ATXN8OS: variants seen among roughly 807,000 people sequenced by gnomAD.
The protein encoded by ATXN8OS is ATXN8 opposite strand (non-protein coding).
upstream of ATXN8OS, chr13:70,107,767 G>C (rs749846665): frequency 3.2e-5 from 40 of 1,251,040 alleles, no homozygotes; most frequent in Non-Finnish European, 4.1e-5. Flanking sequence ...GGTGGGGGAG[G>C]ACAGCGGGGC....
At position 70,123,605 on chromosome 13, in the gene ATXN8OS, T is replaced by A. The variant is rs1952447552; in HGVS notation, n.399-6179T>A. Among the ~76,000 whole-genome samples the A allele has an allele frequency of 2.6e-5, 4 of 152,094 alleles. No homozygotes were observed. The South Asian group carries it at 8.3e-4, about 32-fold the overall frequency. On this transcript the variant is annotated intron_variant and non_coding_transcript_variant, in intron 2 of 4. Coordinates refer to ENST00000678624, the Ensembl canonical transcript of ATXN8OS. Reference sequence around the variant, plus strand: ...AATACTACTGATAGGTAAGATCCTATATTCTGTCCACAAAAATCAAATGAG... The same window carrying A: ...AATACTACTGATAGGTAAGATCCTAAATTCTGTCCACAAAAATCAAATGAG...
chr13:70,151,155 C>A (rs1249486087), intron 4 of ATXN8OS, among the ~76,000 whole-genome samples: 1 of 151,996 alleles, frequency 6.6e-6, no homozygotes, highest in Non-Finnish European at 1.5e-5. Flanking sequence ...GCTGTAAAAG[C>A]ACAACATGAG....
At chr13:70,107,838 G>T in exon 1 of ATXN8OS, 2 of 652,698 alleles carry the variant, frequency 3.1e-6, no homozygotes, top group Non-Finnish European at 5.0e-6. Flanking sequence ...AAGACGCTAG[G>T]TGGGCTGCGC....
At chr13:70,120,321 G>T (rs995144255) in intron 2 of ATXN8OS, among the ~76,000 whole-genome samples, 1 of 152,104 alleles carries the variant, frequency 6.6e-6, no homozygotes, top group Admixed American at 6.6e-5. Flanking sequence ...AAAAAATAGA[G>T]AATCAGTAAG....
chr13:70,130,978 T>C (rs912810028), intron 3 of ATXN8OS: 3 of 398,386 alleles, frequency 7.5e-6, no homozygotes, highest in African/African-American at 2.1e-5. Context: ...AAATTGCGCT[T>C]ATTGGGAGTA....
chr13:70,124,661 T>C (rs1888403050), intron 2 of ATXN8OS, among the ~76,000 whole-genome samples: 1 of 152,088 alleles, frequency 6.6e-6, no homozygotes, highest in Non-Finnish European at 1.5e-5. Context: ...TCAATCCCCT[T>C]GTTTTTTGTT....
chr13:70,159,905 T>C (rs1239757978), intron 4 of ATXN8OS, among the ~76,000 whole-genome samples: 1 of 152,222 alleles, frequency 6.6e-6, no homozygotes, highest in African/African-American at 2.4e-5. Context: ...AATGTGTATG[T>C]ACAGTGTGTT....
chr13:70,112,830 A>G (rs982028849), intron 1 of ATXN8OS, among the ~76,000 whole-genome samples: 1 of 150,770 alleles, frequency 6.6e-6, no homozygotes, highest in Non-Finnish European at 1.5e-5. Context: ...TGTGCAGAAT[A>G]TTGACAGTGG....
chr13:70,126,466 G>A (rs1888436734), intron 2 of ATXN8OS, among the ~76,000 whole-genome samples: 1 of 151,982 alleles, frequency 6.6e-6, no homozygotes, highest in Non-Finnish European at 1.5e-5. Context: ...AGGCTAAGTT[G>A]TGCTCTCTCT....
At chr13:70,147,035 A>G (rs1888796013) in intron 3 of ATXN8OS, among the ~76,000 whole-genome samples, 1 of 152,200 alleles carries the variant, frequency 6.6e-6, no homozygotes, top group South Asian at 2.1e-4. Flanking sequence ...GTGTTTTTGC[A>G]AATGGGAATG....
At chr13:70,135,670 T>G (rs1342311540) in intron 3 of ATXN8OS, among the ~76,000 whole-genome samples, 1 of 152,100 alleles carries the variant, frequency 6.6e-6, no homozygotes, top group African/African-American at 2.4e-5. Flanking sequence ...GCACTTCTTA[T>G]CTGCACTACT....
intron 4 of ATXN8OS, among the ~76,000 whole-genome samples, chr13:70,169,273 G>T (rs2137509652): frequency 6.6e-6 from 1 of 152,204 alleles, no homozygotes; most frequent in South Asian, 2.1e-4. Context: ...ATAAACCTCA[G>T]AAGAAATAGA....
intron 4 of ATXN8OS, among the ~76,000 whole-genome samples, chr13:70,150,829 C>G (rs890770492): frequency 2.6e-5 from 4 of 152,070 alleles, no homozygotes; most frequent in African/African-American, 9.7e-5. Context: ...TTCACTACCA[C>G]AAAACTTGTC....
intron 2 of ATXN8OS, among the ~76,000 whole-genome samples, chr13:70,129,467 G>T (rs933132007): frequency 1.3e-5 from 2 of 151,476 alleles, no homozygotes; most frequent in African/African-American, 4.8e-5. Flanking sequence ...ATACACTCAG[G>T]CTTTCTTTCT....
chr13:70,139,400 TGCTGC>T (rs1888672272), intron 3 of ATXN8OS: 9 of 630,174 alleles, frequency 1.4e-5, no homozygotes, highest in African/African-American at 2.2e-5. Flanking sequence ...CTGCTGCTGC[TGCTGC>T]TGCTGCTGCT....
chr13:70,145,892 A>T (rs1276332889), intron 3 of ATXN8OS, among the ~76,000 whole-genome samples: 5 of 150,872 alleles, frequency 3.3e-5, no homozygotes, highest in African/African-American at 1.2e-4. Flanking sequence ...CAATGGCAAC[A>T]AAAGCCAAAA....
chr13:70,161,978 T>C (rs764648538), intron 4 of ATXN8OS, among the ~76,000 whole-genome samples: 1 of 151,692 alleles, frequency 6.6e-6, no homozygotes, highest in Non-Finnish European at 1.5e-5. Context: ...TCTGTAAAAC[T>C]AAAATTTCTC....
chr13:70,112,311 C>A (rs915930767), intron 1 of ATXN8OS, among the ~76,000 whole-genome samples: 1 of 152,002 alleles, frequency 6.6e-6, no homozygotes, highest in African/African-American at 2.4e-5. Context: ...CCATATCATA[C>A]ATTAATATAA....
At chr13:70,169,103 A>C (rs999087903) in intron 4 of ATXN8OS, among the ~76,000 whole-genome samples, 1 of 152,128 alleles carries the variant, frequency 6.6e-6, no homozygotes, top group African/African-American at 2.4e-5. Context: ...ATGGATTATC[A>C]TATACATAAG....
Sources: allele counts gnomAD v4.1 joint callset (sites outside exome capture counted in the v4.1 genomes callset), GRCh38; gene constraint gnomAD v4.1.1; transcripts MANE v1.5; gene names NCBI Gene and HGNC (gene_info 2026-07-23, HGNC 2026-07-21).